Variants in PCDHA5 observed in about 807,000 individuals in gnomAD.
The protein encoded by PCDHA5 is protocadherin alpha 5, also known as protocadherin alpha-5.
PCDHA5 carries 43 observed loss-of-function variants against 61.6 expected under a neutral mutation model. That is an observed-to-expected ratio of 0.70 (90% CI 0.55 to 0.90). The LOEUF (loss-of-function observed/expected upper bound fraction) is 0.90. Ranked by LOEUF, PCDHA5 falls within the 40% of genes least tolerant of loss-of-function variation. The pLI is 0.00. For missense variants in PCDHA5, 1,298 were observed against 1,222.7 expected (o/e 1.06, Z -0.92); for synonymous variants, 627 against 543.9 (o/e 1.15, Z -2.13).
intron 1 of PCDHA5, chr5:140,824,610 G>GTTTTTTTTTTTTTTTTTTTTTTTT (rs782443702): frequency 7.4e-5 from 7 of 95,108 alleles, no homozygotes; most frequent in African/African-American, 1.5e-4. Flanking sequence ...GCTAATTAAA[G>GTTTTTTTTTTTTTTTTTTTTTTTT]TTTTTTTTTT....
At chr5:140,957,531 G>A (rs2095365025) in intron 1 of PCDHA5, among the ~76,000 whole-genome samples, 1 of 152,080 alleles carries the variant, frequency 6.6e-6, no homozygotes, top group Non-Finnish European at 1.5e-5. Flanking sequence ...ATTCAGTGGG[G>A]ATCTTAGAAA....
chr5:140,822,811 A>G lies in PCDHA5; in HGVS notation c.1036A>G (p.Thr346Ala). The G allele has an allele frequency of 1.2e-6, 2 of 1,614,132 alleles. No individual in the cohort carries two copies. The highest frequency in any genetic ancestry group is 4.5e-5 in the East Asian group (2 of 44,886). Residue 346 changes from threonine (T) to alanine (A), a missense_variant, in exon 1 of 4, where the codon ACC (threonine) becomes GCC (alanine). By Grantham distance (58) the Thr-to-Ala change is moderately conservative. Coordinates refer to ENST00000529859, the MANE Select transcript of PCDHA5 (RefSeq NM_018908.3). The stretch of plus-strand genomic sequence containing the variant: ...GAAACTCCTGGATGTGAATGATAAT[A>G]CCCCAGAGATGGCCATAACCACCCT... ...VVKLLDVNDNTPEMAITTLFL... is the reference protein window; with the variant it reads ...VVKLLDVNDNAPEMAITTLFL...
intron 1 of PCDHA5, chr5:140,843,766 G>A: frequency 6.7e-7 from 1 of 1,487,952 alleles, no homozygotes; most frequent in Non-Finnish European, 9.2e-7. Flanking sequence ...GGAAATTGTA[G>A]TTACTTTAAA....
At chr5:140,875,636 A>G (rs574545388) in intron 1 of PCDHA5, 3 of 1,613,606 alleles carry the variant, frequency 1.9e-6, no homozygotes, top group African/African-American at 1.3e-5. Context: ...CTGGGGCTGG[A>G]GCTGGCGGAG....
intron 1 of PCDHA5, among the ~76,000 whole-genome samples, chr5:140,889,199 T>C (rs1399579598): frequency 1.3e-5 from 2 of 151,896 alleles, no homozygotes; most frequent in African/African-American, 4.8e-5. Context: ...ATAACTTGAA[T>C]ACTTAACAAA....
At chr5:140,871,308 G>GC (rs2052955236) in intron 1 of PCDHA5, 1 of 1,613,880 alleles carries the variant, frequency 6.2e-7, no homozygotes. Flanking sequence ...CGCCGGGGAA[G>GC]CCCACGCTGG....
At position 140,877,459 on chromosome 5, in the gene PCDHA5, G is replaced by A. The variant is rs782125799; in HGVS notation, c.2352+53332G>A. ...CGGTGAGCCCGCGCTGACGTCCACGGCCACGGTGCTGGTGTCGCTGGTGGA... is the reference window on the plus strand; with the variant it reads ...CGGTGAGCCCGCGCTGACGTCCACGACCACGGTGCTGGTGTCGCTGGTGGA... On this transcript the variant is annotated intron_variant, in intron 1 of 3. Coordinates refer to ENST00000529859, the MANE Select transcript of PCDHA5 (RefSeq NM_018908.3). 98 of 1,613,712 alleles carry A rather than the reference G, an allele frequency of 6.1e-5. No individual in the cohort carries two copies. The East Asian group carries it at 2.1e-3, about 35-fold the overall frequency.
In PCDHA5 at chr5:141,011,714, C is replaced by G. The variant is rs2098421596; in HGVS notation, c.*1777C>G. On this transcript the variant is annotated 3_prime_UTR_variant, in exon 4 of 4. Transcript: ENST00000529859. ...TTTTGGAATGAATACTGACAATATT[C>G]CATGAGGGTGTGCAAGCACAAATTT... 1 of 153,650 alleles carries G rather than the reference C, an allele frequency of 6.5e-6. No individual in the cohort carries two copies. Among genetic ancestry groups the G allele is most frequent in the South Asian group, 2.1e-4 (1 of 4,822 alleles). 9.5% of individuals were successfully genotyped at this position (153,650 alleles called of 1,614,324 possible).
intron 1 of PCDHA5, chr5:140,877,232 C>A: frequency 6.2e-6 from 10 of 1,613,680 alleles, no homozygotes; most frequent in Non-Finnish European, 7.6e-6. Context: ...TCGGTGGGTG[C>A]GGGCCACGTG....
chr5:140,850,154 G>A, intron 1 of PCDHA5: 1 of 1,595,410 alleles, frequency 6.3e-7, no homozygotes, highest in Non-Finnish European at 8.6e-7. Context: ...CGCTGCAGGT[G>A]TTCGTGCTGG....
chr5:140,853,035 T>C (rs1292351508), intron 1 of PCDHA5: 9 of 256,094 alleles, frequency 3.5e-5, no homozygotes, highest in South Asian at 1.5e-4. Context: ...CCTGCCACCA[T>C]GCCCGCCTAA....
chr5:140,865,443 G>A (rs192930935), intron 1 of PCDHA5: 1 of 152,292 alleles, frequency 6.6e-6, no homozygotes, highest in East Asian at 1.9e-4. Context: ...TAACTTCTGA[G>A]AAGATGATTT....
Position 140,823,152 on chromosome 5 carries a change from T to C in PCDHA5, c.1377T>C (p.Tyr459=), listed in dbSNP as rs148475115. Residue 459 remains tyrosine (Y), a synonymous_variant, in exon 1 of 4, where the codon TAT becomes TAC. Transcript: ENST00000529859. The part of the protein sequence containing the change: ...DNAPAFAQPQ[Y]TVFVKENNPP... ...CTCCGGCGTTCGCGCAGCCCCAGTA[T>C]ACCGTGTTCGTGAAGGAGAACAACC... 6.2e-6 allele frequency: 10 copies of C among 1,613,648 alleles called. No homozygotes were observed. In the African/African-American group the frequency reaches 8.0e-5, roughly 13 times the overall value.
chr5:140,965,012 C>T (rs1405445486), intron 1 of PCDHA5, among the ~76,000 whole-genome samples: 2 of 152,188 alleles, frequency 1.3e-5, no homozygotes, highest in African/African-American at 4.8e-5. Flanking sequence ...GTCAGGATCA[C>T]AACCTTGGCT....
At chr5:140,838,077 A>ATATAGTGTGTGT (rs1203070308) in intron 1 of PCDHA5, among the ~76,000 whole-genome samples, 2 of 80,700 alleles carry the variant, frequency 2.5e-5, no homozygotes, top group Admixed American at 2.3e-4. Context: ...ATATATATAT[A>ATATAGTGTGTGT]GTGTGTGTGT....
At chr5:140,836,667 G>T in intron 1 of PCDHA5, 1 of 1,613,396 alleles carries the variant, frequency 6.2e-7, no homozygotes, top group Non-Finnish European at 8.5e-7. Context: ...GTGCTCTGGG[G>T]AGGGCCCACC....
At chr5:141,004,179 G>A (rs2098156608) in intron 3 of PCDHA5, among the ~76,000 whole-genome samples, 1 of 152,206 alleles carries the variant, frequency 6.6e-6, no homozygotes, top group Non-Finnish European at 1.5e-5. Flanking sequence ...CAAGTGTCTT[G>A]AGTGCTCTTA....
intron 1 of PCDHA5, chr5:140,967,492 G>T (rs1554229617): frequency 3.1e-6 from 5 of 1,613,380 alleles, no homozygotes; most frequent in Non-Finnish European, 4.2e-6. Flanking sequence ...GTACGGCACA[G>T]ATCTCTGTGC....
At position 140,822,224 on chromosome 5, in the gene PCDHA5, G is replaced by C. The variant is rs2150114696; in HGVS notation, c.449G>C (p.Arg150Pro). 3 of 1,614,208 alleles carry C rather than the reference G, an allele frequency of 1.9e-6. No individual in the cohort carries two copies. Among genetic ancestry groups the C allele is most frequent in the East Asian group, 4.5e-5 (2 of 44,890 alleles). Residue 150 changes from arginine (R) to proline (P), a missense_variant, in exon 1 of 4, where the codon CGG becomes CCG. By Grantham distance (103) the Arg-to-Pro change is moderately radical. Coordinates refer to ENST00000529859, the MANE Select transcript of PCDHA5 (RefSeq NM_018908.3). Reference sequence around the variant, plus strand: ...TTAGAGTCAAGAATGCCAGATTCGCGGTTTCCGCTAGAGGGCGCGTCGGAT... The same window carrying C: ...TTAGAGTCAAGAATGCCAGATTCGCCGTTTCCGCTAGAGGGCGCGTCGGAT... ...FILESRMPDS[R>P]FPLEGASDLD... is the part of the protein sequence containing the mutation.
Sources: allele counts gnomAD v4.1 joint callset (sites outside exome capture counted in the v4.1 genomes callset), GRCh38; gene constraint gnomAD v4.1.1; transcripts MANE v1.5; gene names NCBI Gene and HGNC (gene_info 2026-07-23, HGNC 2026-07-21).